The following PLA2G4A variants were observed in gnomAD, a reference collection of about 807,000 sequenced individuals.
PLA2G4A encodes the protein cytosolic phospholipase A2.
In PLA2G4A, 40 loss-of-function variants were observed where a neutral mutation model predicts 81.9. The observed-to-expected ratio is 0.49, with a 90% CI of 0.38 to 0.64. The LOEUF is 0.64. Ranked by LOEUF, PLA2G4A falls within the 30% of genes least tolerant of loss-of-function variation. The pLI, the probability that PLA2G4A is intolerant of heterozygous loss-of-function variation, is 0.00. For missense variants in PLA2G4A, 715 were observed against 905.1 expected, an observed-to-expected ratio of 0.79 and a Z score of 2.69; for synonymous variants, 302 against 296.9, an observed-to-expected ratio of 1.02 and a Z score of -0.18.
chr1:186,908,989 T>A (rs1423854505), intron 6 of PLA2G4A, among the ~76,000 whole-genome samples: 1 of 144,266 alleles, frequency 6.9e-6, no homozygotes, highest in Non-Finnish European at 1.5e-5. Flanking sequence ...TTTTTTTTTT[T>A]TTGAGACGGA....
At chr1:186,948,195 T>C (rs537484461) in intron 12 of PLA2G4A, among the ~76,000 whole-genome samples, 1 of 152,280 alleles carries the variant, frequency 6.6e-6, no homozygotes, top group East Asian at 1.9e-4. Context: ...ATGGAAAAGT[T>C]ATCTTATAAT....
At chr1:186,837,653 C>T (rs1281281142) in intron 1 of PLA2G4A, among the ~76,000 whole-genome samples, 1 of 144,548 alleles carries the variant, frequency 6.9e-6, no homozygotes, top group East Asian at 2.0e-4. Context: ...AGGAGAATGG[C>T]GTGAACCCAG....
intron 15 of PLA2G4A, among the ~76,000 whole-genome samples, chr1:186,967,971 A>C (rs769537951): frequency 1.3e-5 from 2 of 152,138 alleles, no homozygotes; most frequent in Non-Finnish European, 2.9e-5. Flanking sequence ...ATGTATTGTA[A>C]TCCAACCATA....
chr1:186,837,200 T>G (rs999735140), intron 1 of PLA2G4A, among the ~76,000 whole-genome samples: 1 of 152,120 alleles, frequency 6.6e-6, no homozygotes, highest in African/African-American at 2.4e-5. Flanking sequence ...TGATCTTGAT[T>G]AGTGCAGGTT....
chr1:186,831,024 C>CTTTTTT, intron 1 of PLA2G4A, among the ~76,000 whole-genome samples: 1 of 140,136 alleles, frequency 7.1e-6, no homozygotes, highest in African/African-American at 2.7e-5. Context: ...CTTTCTTTTT[C>CTTTTTT]TTTCTTTCTT....
At chr1:186,958,447 AATG>A (rs1656831135) in intron 14 of PLA2G4A, among the ~76,000 whole-genome samples, 1 of 152,202 alleles carries the variant, frequency 6.6e-6, no homozygotes, top group African/African-American at 2.4e-5. Flanking sequence ...TTTATAGATT[AATG>A]ATGATGAGCT....
intron 1 of PLA2G4A, among the ~76,000 whole-genome samples, chr1:186,853,845 A>G (rs922819211): frequency 6.6e-5 from 10 of 151,982 alleles, no homozygotes; most frequent in African/African-American, 2.4e-4. Context: ...ATGTACTTTT[A>G]TAATTCCTAA....
At chr1:186,921,025 T>A (rs947465538) in intron 7 of PLA2G4A, among the ~76,000 whole-genome samples, 9 of 152,238 alleles carry the variant, frequency 5.9e-5, no homozygotes, top group Non-Finnish European at 1.3e-4. Flanking sequence ...ACACAGTCTT[T>A]CATAGAATTG....
intron 8 of PLA2G4A, among the ~76,000 whole-genome samples, chr1:186,933,133 G>A (rs1001343364): frequency 1.3e-5 from 2 of 152,048 alleles, no homozygotes; most frequent in Non-Finnish European, 2.9e-5. Context: ...AACTTAAAAT[G>A]TAGTTAAAAC....
chr1:186,934,443 C>CACACACACACACACAT lies in PLA2G4A; in HGVS notation c.695+1545_695+1546insCACACACACACACATA, dbSNP rs372931067. Among the ~76,000 whole-genome samples the CACACACACACACACAT allele has an allele frequency of 6.0e-5, 6 of 99,568 alleles. 1 individual carries two copies. The highest frequency in any genetic ancestry group is 1.3e-4 in the African/African-American group (3 of 22,258). 65.3% of individuals were successfully genotyped at this position (99,568 alleles called of 152,430 possible). A position where few individuals can be genotyped will look rare whatever the true frequency, so the allele number is the denominator to read the frequency against. On this transcript the variant is annotated intron_variant, in intron 8 of 17. Transcript: ENST00000367466. ...TAATTAAAAGGATTTTAAATGTGCA[C>CACACACACACACACAT]ATATATATATATATATATATACATA...
chr1:186,855,090 C>T (rs1327870490), intron 2 of PLA2G4A, among the ~76,000 whole-genome samples: 3 of 151,964 alleles, frequency 2.0e-5, no homozygotes, highest in Admixed American at 2.0e-4. Context: ...ATATCATCCT[C>T]TTTCTTGCCC....
intron 7 of PLA2G4A, among the ~76,000 whole-genome samples, chr1:186,916,078 A>G (rs1655126301): frequency 6.6e-6 from 1 of 152,152 alleles, no homozygotes; most frequent in African/African-American, 2.4e-5. Context: ...TAGTTGCAAA[A>G]ACAAATTTCT....
At chr1:186,986,570 G>T (rs1657898079) in intron 17 of PLA2G4A, among the ~76,000 whole-genome samples, 1 of 152,146 alleles carries the variant, frequency 6.6e-6, no homozygotes, top group Non-Finnish European at 1.5e-5. Flanking sequence ...CACCTGGTGT[G>T]TTTATTTCTT....
intron 3 of PLA2G4A, among the ~76,000 whole-genome samples, chr1:186,885,409 C>T (rs1373630317): frequency 6.6e-6 from 1 of 152,076 alleles, no homozygotes; most frequent in Non-Finnish European, 1.5e-5. Flanking sequence ...AGAATGAAAT[C>T]AATTCATTTG....
At chr1:186,865,091 C>CGT (rs1553270143) in intron 2 of PLA2G4A, among the ~76,000 whole-genome samples, 1 of 147,112 alleles carries the variant, frequency 6.8e-6, no homozygotes, top group Non-Finnish European at 1.5e-5. Flanking sequence ...AAAATATATA[C>CGT]ATATATATAT....
intron 7 of PLA2G4A, 54 bp downstream of exon 7, chr1:186,911,443 A>T: frequency 7.6e-7 from 1 of 1,314,706 alleles, no homozygotes; most frequent in Non-Finnish European, 1.1e-6. Context: ...TTTAGCTTGG[A>T]CAATTTCCCC....
chr1:186,873,409 A>G (rs1426681370), intron 3 of PLA2G4A, among the ~76,000 whole-genome samples: 6 of 152,116 alleles, frequency 3.9e-5, no homozygotes, highest in Admixed American at 3.9e-4. Context: ...AGGATCGCAG[A>G]ATTCTACATC....
At chr1:186,931,279 C>A (rs1655735511) in intron 7 of PLA2G4A, among the ~76,000 whole-genome samples, 1 of 152,140 alleles carries the variant, frequency 6.6e-6, no homozygotes, top group African/African-American at 2.4e-5. Context: ...TATACACATA[C>A]AGATTCAAAG....
chr1:186,829,169 A>T (rs1386936443), intron 1 of PLA2G4A, 134 bp downstream of exon 1: 1 of 152,256 alleles, frequency 6.6e-6, no homozygotes, highest in East Asian at 1.9e-4. Flanking sequence ...TGCTTTAAAA[A>T]GTCAGCATGT....
Sources: allele counts gnomAD v4.1 joint callset (sites outside exome capture counted in the v4.1 genomes callset), GRCh38; gene constraint gnomAD v4.1.1; transcripts MANE v1.5; gene names NCBI Gene and HGNC (gene_info 2026-07-23, HGNC 2026-07-21).